PRH1: variants seen among roughly 807,000 people sequenced by gnomAD.
The protein encoded by PRH1 is proline rich protein HaeIII subfamily 1.
Under a neutral mutation model 7.9 loss-of-function variants are expected in PRH1, and 7 were observed. The ratio of observed to expected loss-of-function variants is 0.89; its 90% CI spans 0.50 to 1.67. The LOEUF (loss-of-function observed/expected upper bound fraction) is 1.67, where lower values mean the gene tolerates loss of function less well. Among genes scored for constraint, PRH1 ranks in the 40% most tolerant of loss-of-function variants. The probability of loss-of-function intolerance (pLI) is 0.00; values close to 1 mark genes in which losing one functional copy is unlikely to be tolerated. For missense variants in PRH1, 109 were observed against 223.6 expected, an observed-to-expected ratio of 0.49 and a Z score of 3.27; for synonymous variants, 45 against 80.8, an observed-to-expected ratio of 0.56 and a Z score of 2.38.
intron 1 of PRH1, among the ~76,000 whole-genome samples, chr12:11,109,487 T>C (rs2597952): frequency 0.46 from 69,181 of 151,972 alleles, 16,565 homozygotes; most frequent in Non-Finnish European, 0.53. Context: ...GCAGCAATAT[T>C]TGCTGTTTTG....
At chr12:10,890,594 C>T (rs906947033) in intron 2 of PRH1, among the ~76,000 whole-genome samples, 1 of 152,220 alleles carries the variant, frequency 6.6e-6, no homozygotes, top group South Asian at 2.1e-4. Flanking sequence ...TGTAGGCCTC[C>T]CCGGTGCAGT....
At chr12:10,885,209 GC>G (rs1949472829), upstream of PRH1, among the ~76,000 whole-genome samples, 1 of 152,092 alleles carries the variant, frequency 6.6e-6, no homozygotes, top group Non-Finnish European at 1.5e-5. Context: ...AGCCTCAATT[GC>G]CTTGATTGGT....
intron 1 of PRH1, chr12:10,996,881 T>C: frequency 6.9e-7 from 1 of 1,454,238 alleles, no homozygotes; most frequent in East Asian, 2.3e-5. Context: ...GTGGGAAATA[T>C]AAAATGTTCC....
chr12:11,121,307 G>T (rs149725540), intron 1 of PRH1: 1 of 152,088 alleles, frequency 6.6e-6, no homozygotes, highest in Non-Finnish European at 1.5e-5. Flanking sequence ...CAGATAATTT[G>T]TAATATTTGC....
intron 2 of PRH1, among the ~76,000 whole-genome samples, chr12:10,923,883 A>C (rs960845007): frequency 7.2e-5 from 11 of 151,758 alleles, no homozygotes; most frequent in Non-Finnish European, 1.0e-4. Context: ...ATAACATTGA[A>C]CTTGCTTTTA....
chr12:11,149,161 T>C (rs933949011), intron 1 of PRH1, among the ~76,000 whole-genome samples: 7 of 152,126 alleles, frequency 4.6e-5, no homozygotes, highest in Non-Finnish European at 5.9e-5. Flanking sequence ...ATTGTGTCTA[T>C]TTGATTCTTC....
At chr12:10,918,146 C>T (rs913396994) in intron 2 of PRH1, among the ~76,000 whole-genome samples, 1 of 152,042 alleles carries the variant, frequency 6.6e-6, no homozygotes, top group Non-Finnish European at 1.5e-5. Context: ...CACGTGTTCT[C>T]GCTTATAATT....
In PRH1 at chr12:11,083,889, C is replaced by G. The variant is rs1262288937; in HGVS notation, n.124-36701G>C. ...ATGAAGTTCAAATTTGTTCATTTTCCTTTTTATTTATGTTCTTTGTAAACA... is the reference window on the plus strand; with the variant it reads ...ATGAAGTTCAAATTTGTTCATTTTCGTTTTTATTTATGTTCTTTGTAAACA... On this transcript the variant is annotated intron_variant and non_coding_transcript_variant, in intron 1 of 4. Coordinates refer to the PRH1 transcript ENST00000541977. 4.1e-5 allele frequency among the ~76,000 whole-genome samples: 6 copies of G among 148,016 alleles called. 2 individuals are homozygous for G. The highest frequency in any genetic ancestry group is 1.5e-4 in the African/African-American group (6 of 40,504).
Position 10,997,225 on chromosome 12 carries a change from T to C in PRH1, c.-125-23504A>G, listed in dbSNP as rs765281858. The C allele has an allele frequency of 9.9e-6, 16 of 1,613,900 alleles. No individual in the cohort carries two copies. The East Asian group carries it at 3.3e-4, about 34-fold the overall frequency. ...TTATGTGGATCTTGGTGCTGGGATCTTGAGATCCTTTGCCATGGAGCTGCA... is the reference window on the plus strand; with the variant it reads ...TTATGTGGATCTTGGTGCTGGGATCCTGAGATCCTTTGCCATGGAGCTGCA... On this transcript the variant is annotated intron_variant, in intron 1 of 3. Coordinates refer to the PRH1 transcript ENST00000539853.
At chr12:10,960,960 C>G (rs1249405918) in intron 2 of PRH1, among the ~76,000 whole-genome samples, 1 of 152,116 alleles carries the variant, frequency 6.6e-6, no homozygotes, top group Non-Finnish European at 1.5e-5. Context: ...CAACATATTC[C>G]TCATTTGAGG....
chr12:11,084,194 G>T (rs1260414922), intron 1 of PRH1, among the ~76,000 whole-genome samples: 3 of 95,980 alleles, frequency 3.1e-5, no homozygotes. Flanking sequence ...TCTTGGGATT[G>T]TAACGGGCAC....
intron 1 of PRH1, chr12:11,079,289 C>G (rs1944418796): frequency 8.7e-6 from 1 of 115,142 alleles, no homozygotes; most frequent in South Asian, 2.4e-4. Flanking sequence ...AACTAGTAGA[C>G]TTTACGCAGA....
chr12:10,904,908 A>G (rs1288733691), intron 2 of PRH1, among the ~76,000 whole-genome samples: 6 of 152,172 alleles, frequency 3.9e-5, no homozygotes, highest in East Asian at 1.9e-4. Context: ...CGAGCAGCCA[A>G]CAAATATTTT....
At chr12:11,145,570 G>GA (rs1401025077) in intron 1 of PRH1, among the ~76,000 whole-genome samples, 1 of 152,076 alleles carries the variant, frequency 6.6e-6, no homozygotes, top group Non-Finnish European at 1.5e-5. Flanking sequence ...TTAAATTCCT[G>GA]AAAATGTTAG....
chr12:11,006,474 A>G (rs1940840293), intron 1 of PRH1, among the ~76,000 whole-genome samples: 1 of 150,904 alleles, frequency 6.6e-6, no homozygotes, highest in Admixed American at 6.6e-5. Context: ...TCCTGGACAC[A>G]AGTGATACTC....
At chr12:11,164,859 T>C (rs1458772502) in intron 1 of PRH1, among the ~76,000 whole-genome samples, 1 of 152,164 alleles carries the variant, frequency 6.6e-6, no homozygotes, top group African/African-American at 2.4e-5. Context: ...ACAGATTAAC[T>C]ACCACAATCA....
intron 1 of PRH1, among the ~76,000 whole-genome samples, chr12:11,068,791 G>A (rs1325902723): frequency 2.0e-5 from 3 of 152,080 alleles, no homozygotes; most frequent in South Asian, 4.1e-4. Flanking sequence ...TATGTATAAT[G>A]CTATTTTAAA....
rs377453241 is a variant in PRH1, at chr12:11,133,351, C to T, written n.40-12171G>A. On this transcript the variant is annotated intron_variant and non_coding_transcript_variant, in intron 1 of 1. Coordinates refer to the PRH1 transcript ENST00000541175. ...GAAGGCTTCTGTCTTTCACCCAGTA[C>T]CTCACATGCCGCAAAACTGAAAGAA... The T allele has an allele frequency of 1.0e-3, 1,671 of 1,613,808 alleles. 3 individuals are homozygous for T. The highest frequency in any genetic ancestry group is 3.6e-3 in the South Asian group (328 of 91,058).
chr12:11,001,329 T>C (rs1940585259), intron 1 of PRH1, among the ~76,000 whole-genome samples: 1 of 152,278 alleles, frequency 6.6e-6, no homozygotes, highest in South Asian at 2.1e-4. Flanking sequence ...TTTACTCTTT[T>C]TTTATTAGCA....
Sources: gnomAD v4.1 joint callset for allele counts (sites outside exome capture counted in the v4.1 genomes callset) on GRCh38, gnomAD v4.1.1 for gene constraint, MANE v1.5 for transcripts, NCBI Gene and HGNC (gene_info 2026-07-23, HGNC 2026-07-21) for gene names.